OR2C1: variants seen among roughly 807,000 people sequenced by gnomAD.
OR2C1 encodes olfactory receptor 2C1.
For missense variants in OR2C1, 468 were observed against 388.3 expected (o/e 1.21, Z -1.73); for synonymous variants, 209 against 167.3 (o/e 1.25, Z -1.92).
At chr16:3,348,838 G>T in the OR2C1 span, among the ~76,000 whole-genome samples, 2 of 152,074 alleles carry the variant, frequency 1.3e-5, no homozygotes, top group African/African-American at 4.8e-5. Flanking sequence ...CTTCTCACAG[G>T]GTGCCCTGTG....
chr16:3,336,674 CTT>C, the OR2C1 span, among the ~76,000 whole-genome samples: 1 of 116,274 alleles, frequency 8.6e-6, no homozygotes, highest in Non-Finnish European at 1.7e-5. Flanking sequence ...GTTTCTTTTT[CTT>C]TTTTTTTTTT....
At chr16:3,342,502 G>C in the OR2C1 span, among the ~76,000 whole-genome samples, 4 of 152,240 alleles carry the variant, frequency 2.6e-5, no homozygotes, top group South Asian at 8.3e-4. Flanking sequence ...TGGATCACTT[G>C]AGGTCAGGAG....
upstream of OR2C1, chr16:3,355,817 T>C (rs985304441): frequency 5.9e-6 from 4 of 680,636 alleles, no homozygotes; most frequent in African/African-American, 7.2e-5. Context: ...TACTTAACTA[T>C]GGATCCCAGA....
chr16:3,336,897 A>G, the OR2C1 span, among the ~76,000 whole-genome samples: 278 of 150,472 alleles, frequency 1.8e-3, 3 homozygotes, highest in East Asian at 1.4e-3. Context: ...TAGTAGAGAC[A>G]GGGTTTCTAT....
At chr16:3,348,487 T>C in the OR2C1 span, among the ~76,000 whole-genome samples, 1 of 152,164 alleles carries the variant, frequency 6.6e-6, no homozygotes, top group Admixed American at 6.5e-5. Flanking sequence ...AAAACAGGAA[T>C]AATAACCCCT....
At chr16:3,326,833 G>A in the OR2C1 span, among the ~76,000 whole-genome samples, 2 of 152,168 alleles carry the variant, frequency 1.3e-5, no homozygotes, top group Non-Finnish European at 2.9e-5. Context: ...ACATAGATGA[G>A]CCTTAGGATG....
the OR2C1 span, among the ~76,000 whole-genome samples, chr16:3,330,299 G>A: frequency 6.6e-6 from 1 of 151,410 alleles, no homozygotes; most frequent in African/African-American, 2.4e-5. Context: ...TTCTTTTTTA[G>A]TAGAGACAGG....
chr16:3,335,421 G>A, the OR2C1 span, among the ~76,000 whole-genome samples: 1 of 151,100 alleles, frequency 6.6e-6, no homozygotes, highest in East Asian at 1.9e-4. Flanking sequence ...TGATTCCTAG[G>A]TGTTATATAT....
chr16:3,323,256 A>T, the OR2C1 span: 1 of 794,628 alleles, frequency 1.3e-6, no homozygotes, highest in South Asian at 1.3e-5. Context: ...CTCCTTGAGG[A>T]AGCCCACTGT....
the OR2C1 span, among the ~76,000 whole-genome samples, chr16:3,347,846 GCACA>G: frequency 3.5e-3 from 30 of 8,542 alleles, no homozygotes; most frequent in East Asian, 0.12. Context: ...ATACACACAT[GCACA>G]CGCACACACG....
chr16:3,353,479 G>T (rs1356407821), upstream of OR2C1, among the ~76,000 whole-genome samples: 3 of 98,450 alleles, frequency 3.0e-5, no homozygotes, highest in African/African-American at 7.7e-5. Flanking sequence ...GACAGAGCGA[G>T]ACTCCGTCTC....
At chr16:3,345,391 C>T in the OR2C1 span, among the ~76,000 whole-genome samples, 1 of 151,596 alleles carries the variant, frequency 6.6e-6, no homozygotes, top group East Asian at 1.9e-4. Context: ...GAGGCTGAGG[C>T]AGGAGAATGA....
At chr16:3,350,686 C>T in the OR2C1 span, among the ~76,000 whole-genome samples, 356 of 151,930 alleles carry the variant, frequency 2.3e-3, no homozygotes, top group African/African-American at 8.2e-3. Flanking sequence ...GCTGGGATTA[C>T]AGGCTTGAGC....
the OR2C1 span, among the ~76,000 whole-genome samples, chr16:3,328,846 C>T: frequency 6.6e-6 from 1 of 152,108 alleles, no homozygotes; most frequent in East Asian, 1.9e-4. Context: ...TTGCCCCACG[C>T]CCTGTCTAAA....
the OR2C1 span, among the ~76,000 whole-genome samples, chr16:3,338,793 C>G: frequency 2.0e-5 from 3 of 152,112 alleles, no homozygotes; most frequent in African/African-American, 4.8e-5. Context: ...GCCTCGGCCT[C>G]CCAAAGTGCT....
chr16:3,354,535 G>A (rs535002223), upstream of OR2C1, among the ~76,000 whole-genome samples: 1 of 152,204 alleles, frequency 6.6e-6, no homozygotes, highest in South Asian at 2.1e-4. Context: ...CCCAGCTTCT[G>A]TATTTGGAGC....
At chr16:3,324,735 T>G in the OR2C1 span, among the ~76,000 whole-genome samples, 4 of 152,046 alleles carry the variant, frequency 2.6e-5, no homozygotes, top group Admixed American at 2.0e-4. Context: ...TGCAGGTGCA[T>G]GCCATCACAC....
At chr16:3,323,431 G>A in the OR2C1 span, 3 of 755,872 alleles carry the variant, frequency 4.0e-6, no homozygotes, top group Non-Finnish European at 2.4e-6. Flanking sequence ...CTGTCAGAGG[G>A]ATGGTGTTCT....
rs765204895 is a variant in OR2C1 at position 3,356,323 on chromosome 16, G to A, written c.383G>A (p.Arg128Gln). 59 of 1,612,952 alleles carry A rather than the reference G, an allele frequency of 3.7e-5. No homozygotes were observed. Among genetic ancestry groups the A allele is most frequent in the Non-Finnish European group, 4.0e-5 (47 of 1,179,936 alleles). Residue 128 changes from arginine to glutamine, a missense_variant, in exon 1 of 1, where the codon CGG (arginine) becomes CAG (glutamine). Arg to Gln is a conservative substitution (Grantham distance 43). Transcript: ENST00000304936. ...TTTGACCGCTACGTGGCAGTGTGCC[G>A]GCCCCTCCGCTACACCGCCATCATG... is the stretch of plus-strand genomic sequence containing the variant. The part of the protein sequence containing the change: ...MAFDRYVAVC[R>Q]PLRYTAIMNP...
Sources: gnomAD v4.1 joint callset for allele counts (sites outside exome capture counted in the v4.1 genomes callset) on GRCh38, gnomAD v4.1.1 for gene constraint, MANE v1.5 for transcripts, NCBI Gene and HGNC (gene_info 2026-07-23, HGNC 2026-07-21) for gene names.